The following ZNF506 variants were observed in gnomAD, a reference collection of about 807,000 sequenced individuals.
ZNF506 encodes the protein zinc finger protein 506.
In ZNF506, 10 loss-of-function variants were observed where a neutral mutation model predicts 11.6. The observed-to-expected ratio is 0.86, with a 90% confidence interval of 0.53 to 1.46. ZNF506 has a LOEUF of 1.46. ZNF506 is among the 40% of genes most tolerant of loss of function. ZNF506 has a pLI of 0.00. For synonymous variants in ZNF506, 156 were observed against 173.3 expected, an observed-to-expected ratio of 0.90 and a Z score of 0.78; for missense variants, 425 against 521.2, an observed-to-expected ratio of 0.82 and a Z score of 1.80.
At chr19:19,818,624 A>AT (rs1242122951) in intron 1 of ZNF506, among the ~76,000 whole-genome samples, 4 of 152,220 alleles carry the variant, frequency 2.6e-5, no homozygotes, top group East Asian at 1.9e-4. Flanking sequence ...TTAGAAACTA[A>AT]TTTTTTAAAA....
Position 19,821,609 on chromosome 19 carries a change from G to A in ZNF506, c.-6C>T. ...CGAACTGGCACTCTCACCATTTCTAGGCTTCCAGGGGGTCCCGGCGTCCTA... is the reference window on the plus strand; with the variant it reads ...CGAACTGGCACTCTCACCATTTCTAAGCTTCCAGGGGGTCCCGGCGTCCTA... On this transcript the variant is annotated 5_prime_UTR_variant, in exon 1 of 4. Coordinates refer to ENST00000540806, the MANE Select transcript of ZNF506 (RefSeq NM_001099269.3). The A allele has an allele frequency of 6.2e-7, 1 of 1,614,038 alleles. No homozygotes were observed. Among genetic ancestry groups the A allele is most frequent in the Admixed American group, 1.7e-5 (1 of 60,022 alleles).
intron 3 of ZNF506, chr19:19,799,533 G>C (rs2062772841): frequency 4.9e-6 from 3 of 610,122 alleles, no homozygotes; most frequent in Admixed American, 6.1e-5. Flanking sequence ...AATGGAATTA[G>C]AGTATAAGAC....
At chr19:19,801,782 C>A (rs1599513562) in intron 3 of ZNF506, among the ~76,000 whole-genome samples, 1 of 150,958 alleles carries the variant, frequency 6.6e-6, no homozygotes, top group Non-Finnish European at 1.5e-5. Flanking sequence ...CAGAGTGAGA[C>A]TCTGTCTCAA....
intron 1 of ZNF506, 45 bp from the exon 2 acceptor site, chr19:19,807,113 G>T: frequency 6.2e-7 from 1 of 1,608,080 alleles, no homozygotes; most frequent in Non-Finnish European, 8.5e-7. Context: ...GGCCATGGGT[G>T]GAATTTTTAA....
At position 19,795,437 on chromosome 19, in the gene ZNF506, A is replaced by G; in HGVS notation, c.450T>C (p.Tyr150=). The G allele has an allele frequency of 6.3e-7, 1 of 1,596,130 alleles. No homozygotes were observed. The highest frequency in any genetic ancestry group is 8.5e-7 in the Non-Finnish European group (1 of 1,173,582). Residue 150 remains tyrosine, a synonymous_variant, in exon 4 of 4, where the codon TAT becomes TAC. Transcript: ENST00000540806. ...TQRKIFQCDE[Y]VKFLHKFSNS... is the part of the protein sequence containing the mutation. ...TTGAAAATTTATGCAAGAATTTCAC[A>G]TATTCATCACATTGAAATATTTTTC...
rs1462670468 is a variant in ZNF506 at position 19,794,512 on chromosome 19, C to T, written c.*40G>A. 1 of 1,541,736 alleles carries T rather than the reference C, an allele frequency of 6.5e-7. No homozygotes were observed. Among genetic ancestry groups the T allele is most frequent in the Non-Finnish European group, 8.7e-7 (1 of 1,147,836 alleles). ...AGTCCAGGGCTAGTTAAAGGCTTTC[C>T]CACATTCATCACATTCATACGGTTT... On this transcript the variant is annotated 3_prime_UTR_variant, in exon 4 of 4. Transcript: ENST00000540806.
rs1466938526 is a variant in ZNF506 at position 19,793,309 on chromosome 19, A to G, written c.*1243T>C. 6.6e-6 allele frequency among the ~76,000 whole-genome samples: 1 copy of G among 152,176 alleles called. No homozygotes were observed. Among genetic ancestry groups the G allele is most frequent in the African/African-American group, 2.4e-5 (1 of 41,452 alleles). ...AAATTCTCATATTTACGTAAAATCAATTTTGAATTAAATATTTTTTTCATA... is the reference window on the plus strand; with the variant it reads ...AAATTCTCATATTTACGTAAAATCAGTTTTGAATTAAATATTTTTTTCATA... On this transcript the variant is annotated 3_prime_UTR_variant, in exon 4 of 4. Transcript: ENST00000540806.
Position 19,821,630 on chromosome 19 carries a change from T to C in ZNF506, c.-27A>G, listed in dbSNP as rs1281620144. 1 of 1,613,886 alleles carries C rather than the reference T, an allele frequency of 6.2e-7. No homozygotes were observed. Among genetic ancestry groups the C allele is most frequent in the South Asian group, 1.1e-5 (1 of 91,064 alleles). The stretch of plus-strand genomic sequence containing the variant: ...TCTAGGCTTCCAGGGGGTCCCGGCG[T>C]CCTAGCTGTGACCCTCCTAATACCT... On this transcript the variant is annotated 5_prime_UTR_variant, in exon 1 of 4. Transcript: ENST00000540806.
At chr19:19,803,235 G>A (rs2062809372) in intron 3 of ZNF506, among the ~76,000 whole-genome samples, 1 of 152,210 alleles carries the variant, frequency 6.6e-6, no homozygotes, top group South Asian at 2.1e-4. Context: ...CAGTCTGGCA[G>A]AGGTCCTGCC....
chr19:19,814,483 C>A (rs1274561958), intron 1 of ZNF506, among the ~76,000 whole-genome samples: 2 of 151,284 alleles, frequency 1.3e-5, no homozygotes, highest in Non-Finnish European at 2.9e-5. Context: ...TAAGTAAGAG[C>A]TAAATAATAA....
chr19:19,797,095 A>G (rs2062748465), intron 3 of ZNF506: 1 of 152,232 alleles, frequency 6.6e-6, no homozygotes, highest in Non-Finnish European at 1.5e-5. Context: ...CCCATCAAAA[A>G]AATTATAAAA....
intron 3 of ZNF506, chr19:19,796,932 T>C (rs1222199221): frequency 6.6e-6 from 1 of 152,174 alleles, no homozygotes; most frequent in Admixed American, 6.5e-5. Flanking sequence ...CCTAAAAATA[T>C]GTTTGAGAAA....
At position 19,795,639 on chromosome 19, in the gene ZNF506, T is replaced by G. The variant is rs1236029130; in HGVS notation, c.248A>C (p.Gln83Pro). 1 of 1,508,888 alleles carries G rather than the reference T, an allele frequency of 6.6e-7. No homozygotes were observed. The highest frequency in any genetic ancestry group is 1.4e-5 in the South Asian group (1 of 71,304). 93.5% of individuals were successfully genotyped at this position (1,508,888 alleles called of 1,614,324 possible). A position where few individuals can be genotyped will look rare whatever the true frequency, so the allele number is the denominator to read the frequency against. The change falls in exon 4 of 4, where the codon CAA becomes CCA. Residue 83 changes from glutamine (Q) to proline (P), a missense_variant. Around this residue, in one of 3 missense-constraint regions of ZNF506, gnomAD observed 226 missense variants for 279.1 expected, o/e 0.81. Coordinates refer to ENST00000540806, the MANE Select transcript of ZNF506 (RefSeq NM_001099269.3). Reference sequence around the variant, plus strand: ...TATGCTCTGCTCTGACCAAAGGTCTTGGGCAAAATGAGAATACATAACTGA... The same window carrying G: ...TATGCTCTGCTCTGACCAAAGGTCTGGGGCAAAATGAGAATACATAACTGA... ...KPPVMYSHFA[Q>P]DLWSEQSIKD...
chr19:19,806,963 A>T lies in ZNF506; in HGVS notation c.109T>A (p.Tyr37Asn), dbSNP rs1242009326. The change falls in exon 2 of 4, where the codon TAC becomes AAC. Residue 37 changes from tyrosine to asparagine, a missense_variant. Tyr to Asn is a moderately radical substitution (Grantham distance 143). This residue lies in a region of ZNF506 where 226 missense variants were observed against 279.1 expected (regional missense o/e 0.81). Coordinates refer to ENST00000540806, the MANE Select transcript of ZNF506 (RefSeq NM_001099269.3). ...TCACCAAGGAAGATCAGGTTTCTGT[A>T]GTTCTCTAACATCACATCCCTATAT... ...NLYRDVMLENYRNLIFLGIVV... is the reference protein window; with the variant it reads ...NLYRDVMLENNRNLIFLGIVV... 6.2e-7 allele frequency: 1 copy of T among 1,613,668 alleles called. No homozygotes were observed. The highest frequency in any genetic ancestry group is 1.3e-5 in the African/African-American group (1 of 74,940).
At chr19:19,808,690 A>G (rs1599521709) in intron 1 of ZNF506, among the ~76,000 whole-genome samples, 1 of 151,244 alleles carries the variant, frequency 6.6e-6, no homozygotes, top group African/African-American at 2.4e-5. Context: ...ACAAAATACA[A>G]AAATTAGCCG....
At chr19:19,799,480 A>AT (rs778439778) in intron 3 of ZNF506, 33 of 654,098 alleles carry the variant, frequency 5.0e-5, no homozygotes, top group Non-Finnish European at 8.4e-5. Flanking sequence ...GTCTTAACAC[A>AT]TTTTTTTAAA....
rs540323911 is a variant in ZNF506, at chr19:19,821,487, T to C, written c.3+114A>G. 3.2e-5 allele frequency: 44 copies of C among 1,372,982 alleles called. No individual in the cohort carries two copies. In the African/African-American group the frequency reaches 3.3e-4, roughly 10 times the overall value. The allele number at this position is 1,372,982 out of a possible 1,614,324, so 85.0% of individuals were successfully genotyped here. Reference sequence around the variant, plus strand: ...CAATGAGAACTTGGAGCGCAGATTGTGGAGCTGACTGCCGGGAGGCCTGAG... The same window carrying C: ...CAATGAGAACTTGGAGCGCAGATTGCGGAGCTGACTGCCGGGAGGCCTGAG... On this transcript the variant is annotated intron_variant, in intron 1 of 3. Coordinates refer to ENST00000540806, the MANE Select transcript of ZNF506 (RefSeq NM_001099269.3).
chr19:19,819,865 G>C (rs2062956068), intron 1 of ZNF506, among the ~76,000 whole-genome samples: 1 of 152,206 alleles, frequency 6.6e-6, no homozygotes, highest in Non-Finnish European at 1.5e-5. Flanking sequence ...TTGGAAGGCT[G>C]AGACGGGCGG....
Position 19,793,679 on chromosome 19 carries a change from G to GA in ZNF506, c.*872dup, listed in dbSNP as rs1465996082. ...TTATTAACTATGAACCTTCTGTTGAGATGTGAGTGGGCGTTAATGGCGTTT... is the reference window on the plus strand; with the variant it reads ...TTATTAACTATGAACCTTCTGTTGAGAATGTGAGTGGGCGTTAATGGCGTTT... On this transcript the variant is annotated 3_prime_UTR_variant, in exon 4 of 4. Transcript: ENST00000540806. 2.6e-5 allele frequency among the ~76,000 whole-genome samples: 4 copies of GA among 152,158 alleles called. No homozygotes were observed. The highest frequency in any genetic ancestry group is 9.7e-5 in the African/African-American group (4 of 41,448).
Sources: allele counts gnomAD v4.1 joint callset (sites outside exome capture counted in the v4.1 genomes callset), GRCh38; gene constraint gnomAD v4.1.1; regional missense constraint gnomAD v4.1.1; transcripts MANE v1.5; gene names NCBI Gene and HGNC (gene_info 2026-07-23, HGNC 2026-07-21).